FOXP2: variants seen among roughly 807,000 people sequenced by gnomAD.
FOXP2 encodes forkhead box P2.
Under a neutral mutation model 115.8 loss-of-function variants are expected in FOXP2, and 12 were observed. That is an observed-to-expected ratio of 0.10 (90% CI 0.07 to 0.17). The LOEUF is 0.17. Among genes scored for constraint, FOXP2 ranks in the 10% least tolerant of loss-of-function variants. The probability of loss-of-function intolerance (pLI) is 1.00; values close to 1 mark genes in which losing one functional copy is unlikely to be tolerated. For synonymous variants in FOXP2, 328 were observed against 297.7 expected, an observed-to-expected ratio of 1.10 and a Z score of -1.05; for missense variants, 629 against 843.5, an observed-to-expected ratio of 0.75 and a Z score of 3.15.
chr7:114,386,568 T>A (rs1256163350), intron 2 of FOXP2, among the ~76,000 whole-genome samples: 1 of 152,092 alleles, frequency 6.6e-6, no homozygotes, highest in Admixed American at 6.6e-5. Context: ...ACCGTGGGAG[T>A]CATATTCATC....
At chr7:114,206,642 T>C (rs1164145964) in intron 1 of FOXP2, among the ~76,000 whole-genome samples, 12 of 152,164 alleles carry the variant, frequency 7.9e-5, no homozygotes, top group Admixed American at 7.9e-4. Context: ...CTATATTTCC[T>C]CTCTTCCTCT....
chr7:114,227,106 G>A (rs144634386), intron 1 of FOXP2, among the ~76,000 whole-genome samples: 60 of 152,184 alleles, frequency 3.9e-4, no homozygotes, highest in Non-Finnish European at 6.8e-4. Context: ...AATCAGGTTG[G>A]AATAATTACT....
intron 1 of FOXP2, among the ~76,000 whole-genome samples, chr7:114,260,361 A>C (rs1474444311): frequency 6.6e-6 from 1 of 152,172 alleles, no homozygotes; most frequent in Non-Finnish European, 1.5e-5. Context: ...AGCTCAGCAA[A>C]TAGTAAAGTA....
chr7:114,404,059 T>G (rs981138760), intron 2 of FOXP2, among the ~76,000 whole-genome samples: 5 of 152,146 alleles, frequency 3.3e-5, no homozygotes, highest in African/African-American at 1.2e-4. Flanking sequence ...GCTTTATATA[T>G]GGTTAGCTTT....
chr7:114,281,795 T>C (rs1037551900), intron 1 of FOXP2, among the ~76,000 whole-genome samples: 1 of 152,192 alleles, frequency 6.6e-6, no homozygotes, highest in Admixed American at 6.5e-5. Flanking sequence ...TTAATTTTCA[T>C]TGTGGCTCCA....
rs575321824 is a variant in FOXP2 at position 114,484,809 on chromosome 7, A to C, written c.169-49808A>C. 5.2e-4 allele frequency among the ~76,000 whole-genome samples: 79 copies of C among 152,064 alleles called. 1 individual carries two copies. The highest frequency in any genetic ancestry group is 1.8e-3 in the African/African-American group (74 of 41,572). On this transcript the variant is annotated intron_variant, in intron 2 of 16. Transcript: ENST00000350908. ...CAAGTTGCATTAACAGAAAAATAAC[A>C]AAATCATTATCTATTCTACATCAGA...
intron 1 of FOXP2, among the ~76,000 whole-genome samples, chr7:114,280,110 A>G (rs1796291281): frequency 6.6e-6 from 1 of 151,498 alleles, no homozygotes; most frequent in Non-Finnish European, 1.5e-5. Flanking sequence ...ATAAATAAAT[A>G]AATAAATAAA....
intron 1 of FOXP2, among the ~76,000 whole-genome samples, chr7:114,171,437 G>T (rs1793137100): frequency 6.6e-6 from 1 of 152,124 alleles, no homozygotes; most frequent in Non-Finnish European, 1.5e-5. Flanking sequence ...GCTGGGCATG[G>T]TGTCATGTGC....
chr7:114,660,312 C>T (rs1445819699), intron 13 of FOXP2, among the ~76,000 whole-genome samples: 2 of 152,136 alleles, frequency 1.3e-5, no homozygotes, highest in Non-Finnish European at 2.9e-5. Context: ...AGAGCAACGT[C>T]TGGAAAGATA....
chr7:114,464,772 A>G (rs1795732922), intron 2 of FOXP2, among the ~76,000 whole-genome samples: 1 of 152,254 alleles, frequency 6.6e-6, no homozygotes, highest in Non-Finnish European at 1.5e-5. Flanking sequence ...GGTAGTATTC[A>G]TGGCTATATG....
chr7:114,515,071 T>C (rs1405650541), intron 2 of FOXP2, among the ~76,000 whole-genome samples: 1 of 151,084 alleles, frequency 6.6e-6, no homozygotes, highest in Non-Finnish European at 1.5e-5. Context: ...GGCTGCATAG[T>C]ATTCCATGGT....
intron 1 of FOXP2, among the ~76,000 whole-genome samples, chr7:114,285,790 C>G (rs1311549198): frequency 2.6e-5 from 4 of 151,880 alleles, no homozygotes; most frequent in South Asian, 2.1e-4. Context: ...ATTTCCTTTT[C>G]AAGGTTCTTT....
At chr7:114,635,203 T>C (rs185071026) in intron 6 of FOXP2, among the ~76,000 whole-genome samples, 1 of 152,338 alleles carries the variant, frequency 6.6e-6, no homozygotes, top group East Asian at 1.9e-4. Flanking sequence ...TCAGCCAAAA[T>C]TAGCTGTTTG....
intron 1 of FOXP2, among the ~76,000 whole-genome samples, chr7:114,263,830 C>T (rs1037776318): frequency 4.6e-5 from 7 of 151,770 alleles, no homozygotes; most frequent in African/African-American, 1.5e-4. Flanking sequence ...CTGTCGGCCT[C>T]GAGCTGGCTT....
intron 1 of FOXP2, among the ~76,000 whole-genome samples, chr7:114,133,024 T>C (rs1034827090): frequency 6.6e-6 from 1 of 152,138 alleles, no homozygotes; most frequent in African/African-American, 2.4e-5. Flanking sequence ...ACGAAACCGG[T>C]TAGGATTTAT....
chr7:114,637,939 T>C (rs562459765), intron 6 of FOXP2, among the ~76,000 whole-genome samples: 1 of 152,066 alleles, frequency 6.6e-6, no homozygotes, highest in Admixed American at 6.6e-5. Context: ...AGATTAGATA[T>C]CATATGTGAA....
At chr7:114,152,365 C>G (rs1488932780) in intron 1 of FOXP2, among the ~76,000 whole-genome samples, 1 of 152,136 alleles carries the variant, frequency 6.6e-6, no homozygotes, top group Non-Finnish European at 1.5e-5. Context: ...ATCTATTGAT[C>G]AGTTTTGAAT....
chr7:114,397,234 TAAC>T (rs1245584335), intron 2 of FOXP2, among the ~76,000 whole-genome samples: 1 of 152,056 alleles, frequency 6.6e-6, no homozygotes, highest in Non-Finnish European at 1.5e-5. Context: ...TATGAAAAAA[TAAC>T]AGTAAATGGG....
intron 1 of FOXP2, among the ~76,000 whole-genome samples, chr7:114,216,325 G>C (rs1361418364): frequency 6.6e-6 from 1 of 151,998 alleles, no homozygotes; most frequent in African/African-American, 2.4e-5. Flanking sequence ...AAGTTTTTCT[G>C]TTCGGCATTT....
Sources: allele counts gnomAD v4.1 joint callset (sites outside exome capture counted in the v4.1 genomes callset), GRCh38; gene constraint gnomAD v4.1.1; transcripts MANE v1.5; gene names NCBI Gene and HGNC (gene_info 2026-07-23, HGNC 2026-07-21).